NCALD: variants seen among roughly 807,000 people sequenced by gnomAD.
The protein encoded by NCALD is neurocalcin delta.
In NCALD, 10 loss-of-function variants were observed where a neutral mutation model predicts 18.6. The observed-to-expected ratio is 0.54, with a 90% CI of 0.33 to 0.91. The LOEUF (loss-of-function observed/expected upper bound fraction) is 0.91. Ranked by LOEUF, NCALD falls within the 40% of genes least tolerant of loss-of-function variation. The pLI is 0.03. For synonymous variants in NCALD, 88 were observed against 87.4 expected (o/e 1.01, Z -0.04); for missense variants, 184 against 247.6 (o/e 0.74, Z 1.72).
chr8:102,053,671 A>T (rs1023753109), intron 1 of NCALD, among the ~76,000 whole-genome samples: 1 of 152,168 alleles, frequency 6.6e-6, no homozygotes, highest in Admixed American at 6.5e-5. Flanking sequence ...GAGGAATTAG[A>T]TGTCATTTCT....
chr8:101,715,003 C>CAAAAAAAAA (rs1297532566), intron 2 of NCALD, among the ~76,000 whole-genome samples: 16 of 103,222 alleles, frequency 1.6e-4, no homozygotes, highest in Non-Finnish European at 2.5e-4. Context: ...GACTCCGTCT[C>CAAAAAAAAA]AAAAAAAAAA....
chr8:102,076,344 C>A (rs1309153717), intron 1 of NCALD, among the ~76,000 whole-genome samples: 1 of 152,054 alleles, frequency 6.6e-6, no homozygotes, highest in Non-Finnish European at 1.5e-5. Context: ...CACAGGCTTG[C>A]GGAGAAGAAA....
chr8:102,118,288 C>A (rs999950115), intron 1 of NCALD, among the ~76,000 whole-genome samples: 1 of 152,242 alleles, frequency 6.6e-6, no homozygotes, highest in Non-Finnish European at 1.5e-5. Flanking sequence ...CTGAACAACT[C>A]CAGAAACTGC....
At position 102,024,637 on chromosome 8, in the gene NCALD, G is replaced by A. The variant is rs1036458199; in HGVS notation, c.-209-4348C>T. On this transcript the variant is annotated intron_variant, in intron 1 of 6. Coordinates refer to the NCALD transcript ENST00000311028. ...CTCCTCTCATCAATAACCAAATCCT[G>A]TAGATAGTGCCTACTGAGGAACTTT... Among the ~76,000 whole-genome samples, 5 of 152,228 alleles carry A rather than the reference G, an allele frequency of 3.3e-5. No individual in the cohort carries two copies. In the East Asian group the frequency reaches 9.6e-4, roughly 29 times the overall value.
chr8:101,852,731 A>G (rs1815149111), intron 4 of NCALD: 1 of 152,210 alleles, frequency 6.6e-6, no homozygotes. Flanking sequence ...TTAAGTCGAT[A>G]CTATGATCTG....
At chr8:101,953,086 G>T (rs1048227050) in intron 2 of NCALD, among the ~76,000 whole-genome samples, 1 of 152,036 alleles carries the variant, frequency 6.6e-6, no homozygotes, top group African/African-American at 2.4e-5. Context: ...GCTGGCCCAA[G>T]ACTCCAGTCT....
chr8:102,065,256 C>T (rs16868991), intron 1 of NCALD, among the ~76,000 whole-genome samples: 50,042 of 148,722 alleles, frequency 0.34, 9,108 homozygotes, highest in African/African-American at 0.49. Flanking sequence ...AGTGAAGGCT[C>T]TTTTTTTTTT....
At chr8:102,000,114 T>C (rs1435449881) in intron 2 of NCALD, among the ~76,000 whole-genome samples, 2 of 152,132 alleles carry the variant, frequency 1.3e-5, no homozygotes, top group Non-Finnish European at 2.9e-5. Flanking sequence ...GTGCAAGGGG[T>C]TGGGGAGTTC....
chr8:101,944,853 C>T (rs1563921088), intron 2 of NCALD, among the ~76,000 whole-genome samples: 1 of 152,212 alleles, frequency 6.6e-6, no homozygotes, highest in Admixed American at 6.5e-5. Flanking sequence ...CTAGTCCCCG[C>T]GTGCTTCAGC....
At chr8:101,899,837 T>C (rs891354154) in intron 3 of NCALD, among the ~76,000 whole-genome samples, 4 of 151,928 alleles carry the variant, frequency 2.6e-5, no homozygotes, top group Non-Finnish European at 5.9e-5. Flanking sequence ...AGTTTTCTTT[T>C]ATTGTGCTTT....
chr8:101,892,241 A>C (rs1264944), intron 3 of NCALD, among the ~76,000 whole-genome samples: 51,763 of 141,388 alleles, frequency 0.37, 12,862 homozygotes, highest in African/African-American at 0.7. Context: ...AGGCACCCCC[A>C]AGCAGGGGCA....
chr8:101,840,202 T>G (rs749390035), intron 4 of NCALD, among the ~76,000 whole-genome samples: 1 of 151,848 alleles, frequency 6.6e-6, no homozygotes, highest in African/African-American at 2.4e-5. Flanking sequence ...AGCCAGAGAT[T>G]GAATTAAAGA....
intron 3 of NCALD, among the ~76,000 whole-genome samples, chr8:101,908,686 G>T (rs1817691869): frequency 6.6e-6 from 1 of 152,128 alleles, no homozygotes; most frequent in South Asian, 2.1e-4. Flanking sequence ...AAGATAACAG[G>T]AATGAACTGT....
chr8:101,694,851 C>T (rs1814913507), intron 2 of NCALD, among the ~76,000 whole-genome samples: 1 of 152,138 alleles, frequency 6.6e-6, no homozygotes, highest in African/African-American at 2.4e-5. Flanking sequence ...AGAGATGGAG[C>T]TGTTTTTGCA....
intron 2 of NCALD, among the ~76,000 whole-genome samples, chr8:101,710,160 G>A (rs531173039): frequency 5.9e-5 from 9 of 152,304 alleles, no homozygotes; most frequent in African/African-American, 1.9e-4. Context: ...CTTCACCTGG[G>A]AAGTGCAAGG....
At chr8:101,859,881 G>A (rs1404018014) in intron 4 of NCALD, among the ~76,000 whole-genome samples, 3 of 152,106 alleles carry the variant, frequency 2.0e-5, no homozygotes, top group African/African-American at 2.4e-5. Flanking sequence ...GTGCCCGTTT[G>A]CCCAAAGGCC....
At chr8:101,844,206 T>C (rs1247003718) in intron 4 of NCALD, among the ~76,000 whole-genome samples, 5 of 152,184 alleles carry the variant, frequency 3.3e-5, no homozygotes, top group Non-Finnish European at 5.9e-5. Context: ...AAGTTACTAG[T>C]AATTTTCATT....
At chr8:101,836,601 T>C (rs1490733182) in intron 4 of NCALD, among the ~76,000 whole-genome samples, 1 of 152,238 alleles carries the variant, frequency 6.6e-6, no homozygotes, top group Non-Finnish European at 1.5e-5. Flanking sequence ...TGTAAAACTT[T>C]GTTTAGACAA....
At chr8:101,692,060 G>C (rs770789358) in intron 3 of NCALD, 17 of 971,818 alleles carry the variant, frequency 1.7e-5, no homozygotes, top group Admixed American at 6.2e-5. Flanking sequence ...TTTTTAGTTG[G>C]CTAAACAATT....
Sources: gnomAD v4.1 joint callset for allele counts (sites outside exome capture counted in the v4.1 genomes callset) on GRCh38, gnomAD v4.1.1 for gene constraint, MANE v1.5 for transcripts, NCBI Gene and HGNC (gene_info 2026-07-23, HGNC 2026-07-21) for gene names.